IMMP2L: variants seen among roughly 807,000 people sequenced by gnomAD.
The protein encoded by IMMP2L is mitochondrial inner membrane protease subunit 2.
Under a neutral mutation model 19.3 loss-of-function variants are expected in IMMP2L, and 18 were observed. The ratio of observed to expected loss-of-function variants is 0.93; its 90% CI spans 0.64 to 1.38. The LOEUF (loss-of-function observed/expected upper bound fraction) is 1.38, where lower values mean the gene tolerates loss of function less well. Ranked by LOEUF, IMMP2L falls within the 40% of genes most tolerant of loss-of-function variation. IMMP2L has a pLI of 0.00. For synonymous variants in IMMP2L, 76 were observed against 73.0 expected (o/e 1.04, Z -0.21); for missense variants, 233 against 218.2 (o/e 1.07, Z -0.43).
intron 3 of IMMP2L, among the ~76,000 whole-genome samples, chr7:111,224,039 G>A (rs1812811539): frequency 2.0e-5 from 3 of 152,058 alleles, no homozygotes; most frequent in Admixed American, 2.0e-4. Flanking sequence ...ATAGAAAACA[G>A]AGCATCTCAA....
intron 3 of IMMP2L, among the ~76,000 whole-genome samples, chr7:111,411,088 G>C (rs1834367898): frequency 8.2e-6 from 1 of 122,548 alleles, no homozygotes; most frequent in Admixed American, 8.3e-5. Flanking sequence ...TAATCAAATT[G>C]CTAAAAAAAA....
At chr7:111,084,348 G>T (rs933765476) in intron 3 of IMMP2L, among the ~76,000 whole-genome samples, 1 of 151,664 alleles carries the variant, frequency 6.6e-6, no homozygotes, top group Non-Finnish European at 1.5e-5. Flanking sequence ...GCCAGTTTAG[G>T]GGAGCGCTTA....
intron 5 of IMMP2L, among the ~76,000 whole-genome samples, chr7:110,816,992 A>G (rs1673166930): frequency 6.6e-6 from 1 of 152,102 alleles, no homozygotes; most frequent in Non-Finnish European, 1.5e-5. Context: ...GTTATGTGTG[A>G]CTTTGGTCCT....
intron 5 of IMMP2L, among the ~76,000 whole-genome samples, chr7:110,855,363 C>T (rs1435276125): frequency 3.3e-5 from 5 of 151,886 alleles, no homozygotes; most frequent in African/African-American, 1.2e-4. Flanking sequence ...GGTGATATGA[C>T]AGTACAGTGT....
intron 3 of IMMP2L, among the ~76,000 whole-genome samples, chr7:111,086,095 C>G (rs1339487214): frequency 1.3e-5 from 2 of 151,894 alleles, no homozygotes; most frequent in Non-Finnish European, 1.5e-5. Flanking sequence ...TGTAACAAAC[C>G]TGCACATATA....
intron 3 of IMMP2L, among the ~76,000 whole-genome samples, chr7:111,154,495 T>G (rs1804419629): frequency 1.3e-5 from 2 of 152,114 alleles, no homozygotes; most frequent in Admixed American, 1.3e-4. Context: ...AGAACATCCC[T>G]TTTTACCACT....
chr7:111,539,880 C>A (rs1226399724), intron 1 of IMMP2L, among the ~76,000 whole-genome samples: 1 of 151,980 alleles, frequency 6.6e-6, no homozygotes, highest in Non-Finnish European at 1.5e-5. Context: ...CATTTGAATA[C>A]AAAAATATCC....
intron 4 of IMMP2L, among the ~76,000 whole-genome samples, chr7:110,910,393 G>C (rs1812924809): frequency 6.6e-6 from 1 of 152,138 alleles, no homozygotes; most frequent in South Asian, 2.1e-4. Context: ...GAATCTTGTA[G>C]TGTTTATGTA....
intron 3 of IMMP2L, among the ~76,000 whole-genome samples, chr7:111,039,753 C>G (rs569433430): frequency 1.3e-5 from 2 of 152,190 alleles, no homozygotes; most frequent in African/African-American, 4.8e-5. Context: ...CTCTATTCCT[C>G]CCTTAATCGT....
At chr7:110,842,597 G>A (rs1805204882) in intron 5 of IMMP2L, among the ~76,000 whole-genome samples, 1 of 152,186 alleles carries the variant, frequency 6.6e-6, no homozygotes, top group Non-Finnish European at 1.5e-5. Flanking sequence ...AGAAGGAGGG[G>A]AGATTGTGAG....
intron 3 of IMMP2L, among the ~76,000 whole-genome samples, chr7:111,240,839 C>A (rs552477043): frequency 3.2e-4 from 48 of 152,024 alleles, no homozygotes; most frequent in African/African-American, 1.1e-3. Flanking sequence ...CTCTAACCCC[C>A]ATACTTAAGT....
At chr7:111,124,775 A>T (rs1395212458) in intron 3 of IMMP2L, 2 of 1,613,870 alleles carry the variant, frequency 1.2e-6, no homozygotes, top group Non-Finnish European at 1.7e-6. Context: ...TACTTACAGA[A>T]ACCAACCTTT....
intron 3 of IMMP2L, among the ~76,000 whole-genome samples, chr7:111,146,203 T>C (rs1004222320): frequency 7.6e-6 from 1 of 131,224 alleles, no homozygotes; most frequent in African/African-American, 2.9e-5. Flanking sequence ...TTCTTGTCAA[T>C]ATAACATGGT....
intron 3 of IMMP2L, among the ~76,000 whole-genome samples, chr7:111,313,462 C>A (rs544505710): frequency 6.6e-6 from 1 of 152,054 alleles, no homozygotes; most frequent in Non-Finnish European, 1.5e-5. Flanking sequence ...GAATGTGATG[C>A]ATTTTATCTT....
intron 3 of IMMP2L, among the ~76,000 whole-genome samples, chr7:111,293,619 A>C (rs1821339940): frequency 6.6e-6 from 1 of 151,968 alleles, no homozygotes; most frequent in African/African-American, 2.4e-5. Flanking sequence ...ATTTTTAACA[A>C]TGTGGTTCAA....
chr7:110,774,116 T>G (rs1357402528), intron 5 of IMMP2L, among the ~76,000 whole-genome samples: 5 of 152,080 alleles, frequency 3.3e-5, no homozygotes, highest in African/African-American at 1.2e-4. Context: ...AAATATTGTA[T>G]GGTATTTTAT....
intron 3 of IMMP2L, among the ~76,000 whole-genome samples, chr7:111,214,205 T>G (rs214463): frequency 0.64 from 97,824 of 151,810 alleles, 31,961 homozygotes; most frequent in African/African-American, 0.7. Flanking sequence ...AAATTTCATG[T>G]TTATATCTTA....
intron 5 of IMMP2L, among the ~76,000 whole-genome samples, chr7:110,679,628 G>C (rs1035472728): frequency 6.6e-6 from 1 of 151,986 alleles, no homozygotes; most frequent in African/African-American, 2.4e-5. Context: ...GGTACCCACT[G>C]CCAATCCCGC....
chr7:110,719,523 A>T lies in IMMP2L; in HGVS notation c.409-55802T>A, dbSNP rs531226006. ...GAAAAAAACCCCATTATTAAAATAC[A>T]AAAATGTACTTCTCAAAATATATCC... On this transcript the variant is annotated intron_variant, in intron 5 of 5. Coordinates refer to ENST00000405709, the MANE Select transcript of IMMP2L (RefSeq NM_032549.4). 2.4e-4 allele frequency among the ~76,000 whole-genome samples: 37 copies of T among 152,356 alleles called. 1 individual carries two copies. The highest frequency in any genetic ancestry group is 4.6e-4 in the Non-Finnish European group (31 of 68,030).
Sources: gnomAD v4.1 joint callset for allele counts (sites outside exome capture counted in the v4.1 genomes callset) on GRCh38, gnomAD v4.1.1 for gene constraint, MANE v1.5 for transcripts, NCBI Gene and HGNC (gene_info 2026-07-23, HGNC 2026-07-21) for gene names.